The following PRKN variants were observed in gnomAD, a reference collection of about 807,000 sequenced individuals.
PRKN encodes the protein parkin RBR E3 ubiquitin protein ligase.
PRKN carries 56 observed loss-of-function variants against 59.5 expected under a neutral mutation model. The ratio of observed to expected loss-of-function variants is 0.94; its 90% confidence interval spans 0.76 to 1.18. The LOEUF is 1.18. PRKN is among the 50% of genes most tolerant of loss of function. PRKN has a pLI of 0.00. For missense variants in PRKN, 657 were observed against 596.4 expected (o/e 1.10, Z -1.06); for synonymous variants, 250 against 222.1 (o/e 1.13, Z -1.12).
rs202049924 is a variant in PRKN at position 162,602,829 on chromosome 6, GC to G, written c.7+124832del. On this transcript the variant is annotated intron_variant, in intron 1 of 11. Coordinates refer to ENST00000366898, the MANE Select transcript of PRKN (RefSeq NM_004562.3). ...CAATGGGTCTCAAAAGCAGAGAGTG[GC>G]CTTTTAGAAAGCAATGGGGGAACAA... Among the ~76,000 whole-genome samples, 826 of 152,256 alleles carry G rather than the reference GC, an allele frequency of 5.4e-3. 4 individuals carry two copies. Among genetic ancestry groups the G allele is most frequent in the Middle Eastern group, 0.014 (4 of 294 alleles).
intron 1 of PRKN, among the ~76,000 whole-genome samples, chr6:162,660,983 C>T (rs866654303): frequency 4.6e-5 from 7 of 151,974 alleles, no homozygotes; most frequent in South Asian, 2.1e-4. Flanking sequence ...AAGGGAGGGC[C>T]GGGTACGGTG....
At chr6:162,625,432 C>T (rs1272208099) in intron 1 of PRKN, among the ~76,000 whole-genome samples, 1 of 152,184 alleles carries the variant, frequency 6.6e-6, no homozygotes, top group Non-Finnish European at 1.5e-5. Context: ...TGAACTTGGT[C>T]TTGTCTAGCC....
At chr6:162,019,052 T>C (rs1030019119) in intron 5 of PRKN, among the ~76,000 whole-genome samples, 27 of 152,222 alleles carry the variant, frequency 1.8e-4, no homozygotes, top group African/African-American at 6.3e-4. Context: ...CATACTTAGA[T>C]GGTTTACTGA....
intron 5 of PRKN, among the ~76,000 whole-genome samples, chr6:161,981,960 A>T (rs1252436319): frequency 6.6e-6 from 1 of 152,204 alleles, no homozygotes; most frequent in Non-Finnish European, 1.5e-5. Context: ...CTCCACACAA[A>T]GCAAAACCAT....
intron 1 of PRKN, among the ~76,000 whole-genome samples, chr6:162,521,886 T>C (rs368849110): frequency 3.3e-5 from 5 of 152,160 alleles, no homozygotes; most frequent in African/African-American, 4.8e-5. Context: ...TAAGCATGAA[T>C]AGAATTTTAA....
chr6:161,731,119 T>C (rs1307657280), intron 7 of PRKN, among the ~76,000 whole-genome samples: 4 of 152,262 alleles, frequency 2.6e-5, no homozygotes, highest in Non-Finnish European at 5.9e-5. Context: ...CTTTCTGTTA[T>C]GTTGTATTCT....
Position 162,558,089 on chromosome 6 carries a change from T to C in PRKN, c.8-114616A>G, listed in dbSNP as rs370819984. 2.7e-4 allele frequency among the ~76,000 whole-genome samples: 41 copies of C among 152,320 alleles called. No individual in the cohort carries two copies. The East Asian group carries it at 3.3e-3, about 12-fold the overall frequency. On this transcript the variant is annotated intron_variant, in intron 1 of 11. Transcript: ENST00000366898. ...AAGTATCTATATCTCTCCTTTTAAATATACTCTTTAGATGGCTGCTCCTTA... is the reference window on the plus strand; with the variant it reads ...AAGTATCTATATCTCTCCTTTTAAACATACTCTTTAGATGGCTGCTCCTTA...
intron 2 of PRKN, among the ~76,000 whole-genome samples, chr6:162,310,744 TA>T (rs1474210705): frequency 1.0e-4 from 10 of 100,272 alleles, no homozygotes; most frequent in Non-Finnish European, 1.4e-4. Context: ...TAAATTATAA[TA>T]AAAATATATA....
chr6:162,215,532 T>A (rs1416765362), intron 3 of PRKN, among the ~76,000 whole-genome samples: 2 of 152,184 alleles, frequency 1.3e-5, no homozygotes, highest in Non-Finnish European at 2.9e-5. Context: ...ATGAATGTTG[T>A]CAAAAGATTA....
At chr6:161,597,663 T>C (rs1438639008) in intron 7 of PRKN, among the ~76,000 whole-genome samples, 1 of 152,216 alleles carries the variant, frequency 6.6e-6, no homozygotes, top group Non-Finnish European at 1.5e-5. Flanking sequence ...AGTTACTCTA[T>C]GTAAGCTCCA....
intron 1 of PRKN, among the ~76,000 whole-genome samples, chr6:162,667,658 C>T (rs1779151751): frequency 1.3e-5 from 2 of 151,978 alleles, no homozygotes; most frequent in African/African-American, 4.8e-5. Flanking sequence ...TTTGAGTTCC[C>T]TCTTTCTCAC....
chr6:161,774,737 A>G (rs1418614247), intron 7 of PRKN, among the ~76,000 whole-genome samples: 1 of 152,244 alleles, frequency 6.6e-6, no homozygotes, highest in Non-Finnish European at 1.5e-5. Flanking sequence ...GACCCTGTTC[A>G]GCCACTGCGA....
intron 7 of PRKN, among the ~76,000 whole-genome samples, chr6:161,745,131 C>A (rs3019447): frequency 0.72 from 109,285 of 152,130 alleles, 39,541 homozygotes; most frequent in African/African-American, 0.8. Context: ...GACTATGAAG[C>A]CATTACCTAT....
chr6:161,762,255 C>T (rs369608010), intron 7 of PRKN, among the ~76,000 whole-genome samples: 16 of 152,078 alleles, frequency 1.1e-4, no homozygotes, highest in African/African-American at 3.4e-4. Flanking sequence ...AGACAGTGAG[C>T]GAATGGACAG....
chr6:161,816,231 T>C (rs1791774777), intron 6 of PRKN, among the ~76,000 whole-genome samples: 1 of 152,012 alleles, frequency 6.6e-6, no homozygotes, highest in African/African-American at 2.4e-5. Context: ...ATAATGATGC[T>C]GTGTGAAAGA....
Position 161,554,403 on chromosome 6 carries a change from TACACACAC to T in PRKN, c.934-5408_934-5401del, listed in dbSNP as rs57551959. ...TAACCTTCATGTTATCTTACTTCTA[TACACACAC>T]ACACACACACACACACACACGCATG... is the stretch of plus-strand genomic sequence containing the variant. On this transcript the variant is annotated intron_variant, in intron 8 of 11. Transcript: ENST00000366898. This position sits in a 1 kb window ranked among gnomAD's most constrained non-coding sequence, Gnocchi z 4.5. Among the ~76,000 whole-genome samples the T allele has an allele frequency of 6.8e-6, 1 of 147,084 alleles. No individual in the cohort carries two copies. Among genetic ancestry groups the T allele is most frequent in the Non-Finnish European group, 1.5e-5 (1 of 66,874 alleles).
At chr6:161,813,086 T>C (rs989018880) in intron 6 of PRKN, among the ~76,000 whole-genome samples, 3 of 152,116 alleles carry the variant, frequency 2.0e-5, no homozygotes, top group Non-Finnish European at 4.4e-5. Context: ...GACATGGAAG[T>C]TGGACTGAAG....
intron 9 of PRKN, among the ~76,000 whole-genome samples, chr6:161,536,973 G>C (rs1261008157): frequency 6.6e-6 from 1 of 152,152 alleles, no homozygotes; most frequent in African/African-American, 2.4e-5. Context: ...AATAGATTTA[G>C]TCTAACAAAG....
At chr6:162,428,296 G>A (rs1156563514) in intron 2 of PRKN, among the ~76,000 whole-genome samples, 1 of 152,106 alleles carries the variant, frequency 6.6e-6, no homozygotes, top group African/African-American at 2.4e-5. Context: ...CATCTTGACT[G>A]AGAATGTATG....
Sources: gnomAD v4.1 joint callset for allele counts (sites outside exome capture counted in the v4.1 genomes callset) on GRCh38, gnomAD v4.1.1 for gene constraint, Gnocchi (gnomAD v3.1) non-coding constraint, MANE v1.5 for transcripts, NCBI Gene and HGNC (gene_info 2026-07-23, HGNC 2026-07-21) for gene names.